Variants in KSR1 observed in about 807,000 individuals in gnomAD.
KSR1 encodes the protein kinase suppressor of ras.
Under a neutral mutation model 92.9 loss-of-function variants are expected in KSR1, and 35 were observed. The ratio of observed to expected loss-of-function variants is 0.38; its 90% confidence interval spans 0.29 to 0.50. KSR1 has a LOEUF of 0.50. Among genes scored for constraint, KSR1 ranks in the 20% least tolerant of loss-of-function variants. KSR1 has a pLI of 0.94. For synonymous variants in KSR1, 467 were observed against 472.6 expected, an observed-to-expected ratio of 0.99 and a Z score of 0.15; for missense variants, 972 against 1,158.5, an observed-to-expected ratio of 0.84 and a Z score of 2.34.
chr17:27,482,179 C>A (rs1202627451), intron 1 of KSR1, among the ~76,000 whole-genome samples: 1 of 152,028 alleles, frequency 6.6e-6, no homozygotes, highest in African/African-American at 2.4e-5. Context: ...AATCCCAGTA[C>A]TTTGGGAGGC....
At position 27,609,332 on chromosome 17, in the gene KSR1, G is replaced by A; in HGVS notation, c.2225+3G>A. On this transcript the variant is annotated splice_donor_region_variant and intron_variant, in intron 16 of 20. Coordinates refer to ENST00000644974, the MANE Select transcript of KSR1 (RefSeq NM_001394583.1). ...TCAGGCGTGGTCCGAGAGGGACGGTGAGTTGGTCTTGAGTGTCTGGGTGGG... is the reference window on the plus strand; with the variant it reads ...TCAGGCGTGGTCCGAGAGGGACGGTAAGTTGGTCTTGAGTGTCTGGGTGGG... 6.2e-7 allele frequency: 1 copy of A among 1,613,962 alleles called. No homozygotes were observed. The highest frequency in any genetic ancestry group is 8.5e-7 in the Non-Finnish European group (1 of 1,179,846).
intron 4 of KSR1, among the ~76,000 whole-genome samples, chr17:27,584,330 G>A (rs1300132000): frequency 1.3e-5 from 2 of 152,184 alleles, no homozygotes; most frequent in Non-Finnish European, 2.9e-5. Flanking sequence ...CCCAGTGCAT[G>A]CTGTTAGGGT....
At chr17:27,549,484 A>G (rs1423765740) in intron 1 of KSR1, among the ~76,000 whole-genome samples, 1 of 152,152 alleles carries the variant, frequency 6.6e-6, no homozygotes, top group Non-Finnish European at 1.5e-5. Flanking sequence ...CCCCAGTCCA[A>G]TGCTGGGCAC....
intron 2 of KSR1, among the ~76,000 whole-genome samples, chr17:27,575,623 C>G (rs1219790142): frequency 6.6e-6 from 1 of 152,130 alleles, no homozygotes; most frequent in Non-Finnish European, 1.5e-5. Flanking sequence ...AGGTCTCACC[C>G]TCATTTTACC....
chr17:27,620,500 C>T (rs1273780014), intron 19 of KSR1, among the ~76,000 whole-genome samples: 1 of 152,176 alleles, frequency 6.6e-6, no homozygotes, highest in Admixed American at 6.5e-5. Flanking sequence ...ATTTAATGTG[C>T]ATGAATGAAT....
At chr17:27,530,517 A>G (rs1012141547) in intron 1 of KSR1, among the ~76,000 whole-genome samples, 1 of 152,100 alleles carries the variant, frequency 6.6e-6, no homozygotes, top group Non-Finnish European at 1.5e-5. Flanking sequence ...GAGGCTGGGC[A>G]TGGCGGCCTG....
intron 1 of KSR1, among the ~76,000 whole-genome samples, chr17:27,513,594 T>C (rs1360089336): frequency 6.6e-6 from 1 of 152,196 alleles, no homozygotes; most frequent in Non-Finnish European, 1.5e-5. Context: ...TGGCTCACCT[T>C]AGCAAGGGTG....
intron 1 of KSR1, among the ~76,000 whole-genome samples, chr17:27,548,834 A>C (rs1183332983): frequency 6.6e-6 from 1 of 152,090 alleles, no homozygotes; most frequent in South Asian, 2.1e-4. Flanking sequence ...TCAAAAAAAA[A>C]AAAAGAAAAA....
At chr17:27,616,933 T>A (rs2074077569) in intron 18 of KSR1, among the ~76,000 whole-genome samples, 1 of 152,218 alleles carries the variant, frequency 6.6e-6, no homozygotes, top group Admixed American at 6.5e-5. Context: ...ATTCCGAGCA[T>A]CTTGCATTTC....
At chr17:27,470,929 G>A (rs1047406732) in intron 1 of KSR1, among the ~76,000 whole-genome samples, 1 of 151,784 alleles carries the variant, frequency 6.6e-6, no homozygotes, top group Non-Finnish European at 1.5e-5. Flanking sequence ...GGAGTGCAGT[G>A]GCACAATCTT....
intron 1 of KSR1, among the ~76,000 whole-genome samples, chr17:27,545,447 A>G (rs2071132548): frequency 6.6e-6 from 1 of 152,204 alleles, no homozygotes; most frequent in Non-Finnish European, 1.5e-5. Flanking sequence ...GCACTTTGGG[A>G]AGCTAACACA....
At chr17:27,605,931 A>T in intron 14 of KSR1, 118 bp downstream of exon 14, 1 of 1,303,956 alleles carries the variant, frequency 7.7e-7, no homozygotes, top group Admixed American at 2.7e-5. Flanking sequence ...CATAAAGAAG[A>T]AAACCAAAAA....
At chr17:27,566,956 G>A (rs367656437) in intron 2 of KSR1, among the ~76,000 whole-genome samples, 4 of 152,254 alleles carry the variant, frequency 2.6e-5, no homozygotes, top group South Asian at 2.1e-4. Flanking sequence ...CAGGGAGGCC[G>A]ATGGTTATAG....
chr17:27,603,916 C>G (rs370927908), intron 12 of KSR1, 28 bp downstream of exon 12: 2 of 1,610,774 alleles, frequency 1.2e-6, no homozygotes, highest in African/African-American at 2.7e-5. Context: ...GTGTCCCCTT[C>G]GCTTCTTTGG....
rs538868952 is a variant in KSR1, at chr17:27,556,703, C to T, written c.372+5995C>T. Among the ~76,000 whole-genome samples, 3 of 152,320 alleles carry T rather than the reference C, an allele frequency of 2.0e-5. No homozygotes were observed. The East Asian group carries it at 5.8e-4, about 29-fold the overall frequency. On this transcript the variant is annotated intron_variant, in intron 2 of 20. Coordinates refer to ENST00000644974, the MANE Select transcript of KSR1 (RefSeq NM_001394583.1). Reference sequence around the variant, plus strand: ...AGGGCCATGCCCACAGAAGAAGACTCAGAGTCAGAGGAGGGAACAGGGTCC... The same window carrying T: ...AGGGCCATGCCCACAGAAGAAGACTTAGAGTCAGAGGAGGGAACAGGGTCC...
intron 1 of KSR1, among the ~76,000 whole-genome samples, chr17:27,513,249 A>G (rs1040043570): frequency 6.6e-6 from 1 of 151,972 alleles, no homozygotes; most frequent in African/African-American, 2.4e-5. Flanking sequence ...TTTTCTATCC[A>G]TTCTCCTGTT....
chr17:27,623,114 A>C, intron 20 of KSR1, 200 bp from the exon 21 acceptor site: 1 of 610,966 alleles, frequency 1.6e-6, no homozygotes, highest in Non-Finnish European at 2.9e-6. Flanking sequence ...TGCTGCTCCA[A>C]GTAGGACTAC....
chr17:27,470,232 T>A (rs918808900), intron 1 of KSR1, among the ~76,000 whole-genome samples: 5 of 150,586 alleles, frequency 3.3e-5, no homozygotes, highest in Admixed American at 1.3e-4. Context: ...AGTTTTGTTT[T>A]TGTTTGTGTT....
intron 2 of KSR1, among the ~76,000 whole-genome samples, chr17:27,565,878 T>C (rs997768758): frequency 1.3e-5 from 2 of 152,224 alleles, no homozygotes; most frequent in African/African-American, 2.4e-5. Context: ...TTTCTACATT[T>C]TTTTTTTCAT....
Sources: gnomAD v4.1 joint callset for allele counts (sites outside exome capture counted in the v4.1 genomes callset) on GRCh38, gnomAD v4.1.1 for gene constraint, MANE v1.5 for transcripts, NCBI Gene and HGNC (gene_info 2026-07-23, HGNC 2026-07-21) for gene names.